NDUFS4: variants seen among roughly 807,000 people sequenced by gnomAD.
The protein encoded by NDUFS4 is NADH:ubiquinone oxidoreductase subunit S4.
A neutral mutation model predicts 24.3 loss-of-function variants in NDUFS4; 28 were observed. That is an observed-to-expected ratio of 1.15 (90% confidence interval 0.85 to 1.58). The LOEUF (loss-of-function observed/expected upper bound fraction) is 1.58, where lower values mean the gene tolerates loss of function less well. Ranked by LOEUF, NDUFS4 falls within the 40% of genes most tolerant of loss-of-function variation. NDUFS4 has a pLI of 0.00. For synonymous variants in NDUFS4, 93 were observed against 69.7 expected (o/e 1.34, Z -1.67); for missense variants, 223 against 207.9 (o/e 1.07, Z -0.45).
At chr5:53,638,870 ACTATAG>A (rs1751629544) in intron 2 of NDUFS4, among the ~76,000 whole-genome samples, 1 of 152,080 alleles carries the variant, frequency 6.6e-6, no homozygotes, top group South Asian at 2.1e-4. Context: ...TACTATTAAT[ACTATAG>A]CTATAGCTAA....
At chr5:53,670,538 A>C (rs1483488490) in intron 4 of NDUFS4, among the ~76,000 whole-genome samples, 2 of 150,918 alleles carry the variant, frequency 1.3e-5, no homozygotes, top group Non-Finnish European at 2.9e-5. Context: ...CCTTTTATTT[A>C]ATGTGGCTAC....
At chr5:53,595,070 A>G (rs1579850442) in intron 1 of NDUFS4, among the ~76,000 whole-genome samples, 1 of 152,112 alleles carries the variant, frequency 6.6e-6, no homozygotes, top group African/African-American at 2.4e-5. Context: ...TTATTATGTA[A>G]TAAATCTACA....
intron 1 of NDUFS4, among the ~76,000 whole-genome samples, chr5:53,576,368 C>A (rs139613080): frequency 2.2e-4 from 34 of 152,260 alleles, no homozygotes; most frequent in African/African-American, 7.7e-4. Flanking sequence ...AAGGGTGCAC[C>A]TAGCTAGTCT....
At position 53,645,893 on chromosome 5, in the gene NDUFS4, G is replaced by A. The variant is rs533201258; in HGVS notation, c.178-340G>A. ...GTATTTTTTCTCCTCTGACTAGTTCGCACTTGCTCACAAAGTAAGAGCATT... is the reference window on the plus strand; with the variant it reads ...GTATTTTTTCTCCTCTGACTAGTTCACACTTGCTCACAAAGTAAGAGCATT... On this transcript the variant is annotated intron_variant, in intron 2 of 4. Transcript: ENST00000296684. Among the ~76,000 whole-genome samples the A allele has an allele frequency of 5.3e-5, 8 of 151,930 alleles. No homozygotes were observed. In the South Asian group the frequency reaches 1.2e-3, roughly 24 times the overall value.
intron 1 of NDUFS4, among the ~76,000 whole-genome samples, chr5:53,593,664 CT>C (rs1257519096): frequency 6.8e-6 from 1 of 148,048 alleles, no homozygotes; most frequent in Non-Finnish European, 1.5e-5. Flanking sequence ...GACCTTTCTT[CT>C]TTTCTAATAT....
At chr5:53,617,820 G>T (rs1439646958) in intron 2 of NDUFS4, among the ~76,000 whole-genome samples, 1 of 152,178 alleles carries the variant, frequency 6.6e-6, no homozygotes. Flanking sequence ...ATAATGGCAA[G>T]ATCATGGACT....
At chr5:53,575,072 T>C (rs576256173) in intron 1 of NDUFS4, among the ~76,000 whole-genome samples, 65 of 152,350 alleles carry the variant, frequency 4.3e-4, no homozygotes, top group Non-Finnish European at 8.2e-4. Context: ...GGCTGATTCA[T>C]GGTGTATGAG....
At chr5:53,651,699 T>C (rs192070184) in intron 3 of NDUFS4, among the ~76,000 whole-genome samples, 4 of 151,928 alleles carry the variant, frequency 2.6e-5, no homozygotes, top group African/African-American at 9.6e-5. Flanking sequence ...TGACTATCCA[T>C]CCTATACCTA....
intron 1 of NDUFS4, among the ~76,000 whole-genome samples, chr5:53,598,616 T>C (rs1750204067): frequency 6.6e-6 from 1 of 152,218 alleles, no homozygotes; most frequent in African/African-American, 2.4e-5. Flanking sequence ...GATGTTTATA[T>C]AAATAAATAT....
At chr5:53,624,524 G>T (rs546887686) in intron 2 of NDUFS4, among the ~76,000 whole-genome samples, 3 of 152,160 alleles carry the variant, frequency 2.0e-5, no homozygotes, top group African/African-American at 7.2e-5. Context: ...ACAGTGTTTT[G>T]CGGTTTTCAG....
At chr5:53,646,503 C>A in intron 3 of NDUFS4, 98 bp downstream of exon 3, 2 of 1,258,450 alleles carry the variant, frequency 1.6e-6, no homozygotes, top group Non-Finnish European at 2.3e-6. Context: ...GTACAATATG[C>A]TTATGACAGT....
At position 53,670,436 on chromosome 5, in the gene NDUFS4, A is replaced by G. The variant is rs778537993; in HGVS notation, c.424+11812A>G. ...ACTGAATTTCAAAGACTTAGTATGA[A>G]AAAAAAAAGTATCTCAATTTTTATT... On this transcript the variant is annotated intron_variant, in intron 4 of 4. Transcript: ENST00000296684. 1.3e-3 allele frequency among the ~76,000 whole-genome samples: 162 copies of G among 124,980 alleles called. No homozygotes were observed. The Middle Eastern group carries it at 0.014, about 11-fold the overall frequency. The allele number at this position is 124,980 out of a possible 152,430, so 82.0% of individuals were successfully genotyped here. A position where few individuals can be genotyped will look rare whatever the true frequency, so the allele number is the denominator to read the frequency against.
chr5:53,566,005 C>T (rs1468874959), intron 1 of NDUFS4, among the ~76,000 whole-genome samples: 1 of 151,738 alleles, frequency 6.6e-6, no homozygotes, highest in Non-Finnish European at 1.5e-5. Flanking sequence ...AACCCCGTCT[C>T]CACTAAAAAA....
chr5:53,606,439 C>T (rs1750511457), intron 2 of NDUFS4, among the ~76,000 whole-genome samples: 1 of 152,004 alleles, frequency 6.6e-6, no homozygotes, highest in South Asian at 2.1e-4. Context: ...GCGATCTCGG[C>T]TCACTGCTAC....
chr5:53,580,960 A>G (rs1002883522), intron 1 of NDUFS4, among the ~76,000 whole-genome samples: 25 of 151,984 alleles, frequency 1.6e-4, no homozygotes, highest in African/African-American at 5.5e-4. Flanking sequence ...CAGCCTCCCA[A>G]GTAGCTGGGA....
chr5:53,646,188 A>G (rs539397148), intron 2 of NDUFS4, 45 bp from the exon 3 acceptor site: 24 of 1,432,938 alleles, frequency 1.7e-5, no homozygotes, highest in South Asian at 1.1e-4. Context: ...ATTAGTGTGT[A>G]TGTAGGCTGT....
intron 1 of NDUFS4, among the ~76,000 whole-genome samples, chr5:53,570,796 G>T (rs758090576): frequency 3.0e-4 from 45 of 148,682 alleles, no homozygotes; most frequent in South Asian, 1.5e-3. Context: ...TGATTGTCCT[G>T]CCTCAGCCTC....
chr5:53,603,644 C>G (rs1750403352), intron 2 of NDUFS4, 114 bp downstream of exon 2: 1 of 766,750 alleles, frequency 1.3e-6, no homozygotes, highest in Non-Finnish European at 2.2e-6. Flanking sequence ...ATTTGAATTT[C>G]TAGATTATAC....
intron 3 of NDUFS4, among the ~76,000 whole-genome samples, chr5:53,657,496 C>A (rs1050979261): frequency 1.2e-4 from 19 of 152,192 alleles, no homozygotes; most frequent in Non-Finnish European, 2.2e-4. Flanking sequence ...CTTTCCCCAT[C>A]CAAATTACCT....
Sources: allele counts gnomAD v4.1 joint callset (sites outside exome capture counted in the v4.1 genomes callset), GRCh38; gene constraint gnomAD v4.1.1; transcripts MANE v1.5; gene names NCBI Gene and HGNC (gene_info 2026-07-23, HGNC 2026-07-21).